The following DCC variants were observed in gnomAD, a reference collection of about 807,000 sequenced individuals.
The protein encoded by DCC is netrin receptor DCC.
In DCC, 58 loss-of-function variants were observed where a neutral mutation model predicts 172.5. That is an observed-to-expected ratio of 0.34 (90% CI 0.27 to 0.42). The LOEUF is 0.42. Ranked by LOEUF, DCC falls within the 10% of genes least tolerant of loss-of-function variation. The pLI is 1.00. For synonymous variants in DCC, 709 were observed against 644.5 expected, an observed-to-expected ratio of 1.10 and a Z score of -1.52; for missense variants, 1,740 against 1,791.0, an observed-to-expected ratio of 0.97 and a Z score of 0.51.
chr18:53,033,633 T>G (rs1267742398), intron 5 of DCC, among the ~76,000 whole-genome samples: 1 of 152,156 alleles, frequency 6.6e-6, no homozygotes. Flanking sequence ...ATCTGTCTTC[T>G]GTCTCTCCTG....
chr18:52,864,831 T>C (rs1420356538), intron 2 of DCC, among the ~76,000 whole-genome samples: 1 of 152,060 alleles, frequency 6.6e-6, no homozygotes, highest in Non-Finnish European at 1.5e-5. Flanking sequence ...TCCAGCTTCA[T>C]CCATGTCCCT....
chr18:53,496,245 C>T (rs922451698), intron 26 of DCC, among the ~76,000 whole-genome samples: 1 of 152,122 alleles, frequency 6.6e-6, no homozygotes, highest in African/African-American at 2.4e-5. Flanking sequence ...ACGAAGCTTC[C>T]AGAGGAAGGT....
At chr18:52,778,298 C>T (rs2037470350) in intron 2 of DCC, among the ~76,000 whole-genome samples, 1 of 152,126 alleles carries the variant, frequency 6.6e-6, no homozygotes, top group Non-Finnish European at 1.5e-5. Context: ...GAACTTGTAA[C>T]ACTTTCTTCA....
intron 2 of DCC, among the ~76,000 whole-genome samples, chr18:52,820,030 C>G (rs1183047854): frequency 6.6e-6 from 1 of 152,076 alleles, no homozygotes; most frequent in Non-Finnish European, 1.5e-5. Context: ...AACTTGTGAA[C>G]TTTCATATTA....
intron 1 of DCC, among the ~76,000 whole-genome samples, chr18:52,725,377 G>A (rs572671847): frequency 6.6e-6 from 1 of 152,296 alleles, no homozygotes; most frequent in Non-Finnish European, 1.5e-5. Flanking sequence ...TTGCTCAAAA[G>A]CTTCAAGTTC....
At chr18:52,639,267 C>G (rs2034844903) in intron 1 of DCC, among the ~76,000 whole-genome samples, 1 of 152,100 alleles carries the variant, frequency 6.6e-6, no homozygotes, top group South Asian at 2.1e-4. Context: ...AGAACAAGAA[C>G]AAATCCAACC....
intron 26 of DCC, among the ~76,000 whole-genome samples, chr18:53,487,188 G>T (rs2045911190): frequency 6.6e-6 from 1 of 152,136 alleles, no homozygotes; most frequent in Admixed American, 6.6e-5. Context: ...AAGGGGAAGT[G>T]GTGGGGAAAC....
rs1336416063 is a variant in DCC, at chr18:52,340,757, G to A, written c.-31G>A. On this transcript the variant is annotated 5_prime_UTR_variant, in exon 1 of 29. Coordinates refer to ENST00000442544, the MANE Select transcript of DCC (RefSeq NM_005215.4). ...GTGTGTGAGTGCTGCCGCTGCCCGCGACCCCTGGCCCCGAAGGTGTTGGCT... is the reference window on the plus strand; with the variant it reads ...GTGTGTGAGTGCTGCCGCTGCCCGCAACCCCTGGCCCCGAAGGTGTTGGCT... 1.3e-6 allele frequency: 2 copies of A among 1,566,682 alleles called. No homozygotes were observed. The highest frequency in any genetic ancestry group is 1.8e-6 in the Non-Finnish European group (2 of 1,137,282).
intron 1 of DCC, among the ~76,000 whole-genome samples, chr18:52,601,670 C>A (rs1004101852): frequency 1.3e-5 from 2 of 151,966 alleles, no homozygotes; most frequent in Non-Finnish European, 2.9e-5. Context: ...CTGCTCTAAC[C>A]CTCTCTCCTA....
chr18:53,117,337 T>C (rs186531446), intron 7 of DCC, among the ~76,000 whole-genome samples: 8 of 151,856 alleles, frequency 5.3e-5, no homozygotes, highest in African/African-American at 1.9e-4. Context: ...TGCTTCAAAC[T>C]AAAACTGCTT....
At position 52,978,743 on chromosome 18, in the gene DCC, C is replaced by T. The variant is rs534073237; in HGVS notation, c.985+53373C>T. On this transcript the variant is annotated intron_variant, in intron 5 of 28. Transcript: ENST00000442544. The stretch of plus-strand genomic sequence containing the variant: ...ATATCCACCCTTCCCGCTTTACAGT[C>T]TCCTATCCATTGTATCACTCTGTAT... Among the ~76,000 whole-genome samples, 8 of 152,318 alleles carry T rather than the reference C, an allele frequency of 5.3e-5. No homozygotes were observed. In the East Asian group the frequency reaches 1.5e-3, roughly 29 times the overall value.
At chr18:53,292,510 A>AAC (rs2057017788) in intron 12 of DCC, among the ~76,000 whole-genome samples, 1 of 152,086 alleles carries the variant, frequency 6.6e-6, no homozygotes, top group Non-Finnish European at 1.5e-5. Context: ...AAAATGGCAA[A>AAC]ACCCTGTCTC....
At chr18:53,328,952 C>T (rs185712314) in intron 14 of DCC, among the ~76,000 whole-genome samples, 18 of 152,194 alleles carry the variant, frequency 1.2e-4, no homozygotes, top group African/African-American at 4.1e-4. Flanking sequence ...GATGGTAAAG[C>T]TTTGTTGTCT....
chr18:52,622,045 G>A (rs2034490312), intron 1 of DCC, among the ~76,000 whole-genome samples: 1 of 152,136 alleles, frequency 6.6e-6, no homozygotes. Flanking sequence ...AGAAAAGAGA[G>A]CGATTAAAAG....
At chr18:53,499,976 G>GAGTACTAGGCCACAAAGAAATGTCAGAAC (rs1373004641) in intron 27 of DCC, among the ~76,000 whole-genome samples, 3 of 152,102 alleles carry the variant, frequency 2.0e-5, no homozygotes, top group Non-Finnish European at 1.5e-5. Flanking sequence ...ATTTATTTCA[G>GAGTACTAGGCCACAAAGAAATGTCAGAAC]AGTACTAGGC....
intron 8 of DCC, among the ~76,000 whole-genome samples, chr18:53,160,683 C>G (rs527662176): frequency 3.9e-5 from 6 of 152,272 alleles, no homozygotes; most frequent in Admixed American, 1.3e-4. Flanking sequence ...CTACATTTAT[C>G]AGGCAGTCTC....
intron 1 of DCC, among the ~76,000 whole-genome samples, chr18:52,429,721 A>G (rs559195217): frequency 2.5e-4 from 38 of 152,180 alleles, no homozygotes; most frequent in Non-Finnish European, 5.0e-4. Flanking sequence ...ATCCAAACAA[A>G]GCTCCATTAT....
intron 7 of DCC, among the ~76,000 whole-genome samples, chr18:53,135,373 T>C (rs2043724907): frequency 6.6e-6 from 1 of 152,152 alleles, no homozygotes; most frequent in Admixed American, 6.5e-5. Context: ...CATTAATGTT[T>C]GTGGATTAAG....
intron 1 of DCC, among the ~76,000 whole-genome samples, chr18:52,511,280 C>CAAAA (rs5824941): frequency 7.3e-5 from 8 of 110,046 alleles, no homozygotes; most frequent in Admixed American, 1.0e-4. Flanking sequence ...GACTCTGTCT[C>CAAAA]AAAAAAAAAA....
Sources: allele counts gnomAD v4.1 joint callset (sites outside exome capture counted in the v4.1 genomes callset), GRCh38; gene constraint gnomAD v4.1.1; transcripts MANE v1.5; gene names NCBI Gene and HGNC (gene_info 2026-07-23, HGNC 2026-07-21).